DPP8: variants seen among roughly 807,000 people sequenced by gnomAD.
DPP8 encodes the protein dipeptidyl peptidase 8, also known as DPP VIII.
DPP8 carries 31 observed loss-of-function variants against 107.5 expected under a neutral mutation model. That is an observed-to-expected ratio of 0.29 (90% CI 0.22 to 0.39). The LOEUF is 0.39. Among genes scored for constraint, DPP8 ranks in the 10% least tolerant of loss-of-function variants. The pLI, the probability that DPP8 is intolerant of heterozygous loss-of-function variation, is 1.00. For synonymous variants in DPP8, 381 were observed against 356.6 expected, an observed-to-expected ratio of 1.07 and a Z score of -0.77; for missense variants, 842 against 1,076.1, an observed-to-expected ratio of 0.78 and a Z score of 3.04.
intron 1 of DPP8, 88 bp from the exon 2 acceptor site, chr15:65,512,652 G>A (rs1415697833): frequency 5.8e-5 from 84 of 1,448,810 alleles, no homozygotes; most frequent in Non-Finnish European, 7.5e-5. Flanking sequence ...AAAAGCGGGG[G>A]AGTGGGGAGG....
At chr15:65,480,448 G>T in intron 9 of DPP8, 49 bp from the exon 10 acceptor site, 1 of 1,443,496 alleles carries the variant, frequency 6.9e-7, no homozygotes, top group Non-Finnish European at 9.5e-7. Flanking sequence ...CAAGCTATCA[G>T]AAAAAGATTT....
At chr15:65,492,248 A>G (rs1468704257) in intron 5 of DPP8, among the ~76,000 whole-genome samples, 1 of 151,974 alleles carries the variant, frequency 6.6e-6, no homozygotes, top group African/African-American at 2.4e-5. Context: ...AGGCTGAGGT[A>G]GGAGAATCAC....
intron 7 of DPP8, among the ~76,000 whole-genome samples, chr15:65,485,544 CAA>C (rs56940292): frequency 5.5e-3 from 336 of 61,248 alleles, no homozygotes; most frequent in African/African-American, 0.016. Flanking sequence ...GACTCCATCT[CAA>C]AAAAAAAAAA....
intron 12 of DPP8, among the ~76,000 whole-genome samples, chr15:65,473,181 C>A (rs1452780196): frequency 6.7e-6 from 1 of 149,258 alleles, no homozygotes; most frequent in Non-Finnish European, 1.5e-5. Flanking sequence ...AAAAATTAGC[C>A]GGGCATGGTG....
At chr15:65,482,912 C>G (rs190439921) in intron 8 of DPP8, among the ~76,000 whole-genome samples, 1 of 151,278 alleles carries the variant, frequency 6.6e-6, no homozygotes, top group Non-Finnish European at 1.5e-5. Flanking sequence ...CTGGCTAACA[C>G]GGTGAAACCC....
intron 11 of DPP8, among the ~76,000 whole-genome samples, chr15:65,478,504 C>T (rs1002739804): frequency 3.9e-5 from 6 of 152,192 alleles, no homozygotes; most frequent in African/African-American, 1.4e-4. Flanking sequence ...AGGTGATCCG[C>T]CTGCCTTGGC....
intron 3 of DPP8, among the ~76,000 whole-genome samples, chr15:65,501,891 CTT>C (rs2069276202): frequency 2.6e-5 from 4 of 152,164 alleles, no homozygotes; most frequent in Admixed American, 2.6e-4. Context: ...ACAGTGATTT[CTT>C]TCTTTCTTTC....
intron 15 of DPP8, among the ~76,000 whole-genome samples, chr15:65,461,608 C>CTT (rs34738565): frequency 1.5e-4 from 22 of 146,058 alleles, no homozygotes; most frequent in East Asian, 8.0e-4. Context: ...TCTATTAAGC[C>CTT]TTTTTTTTTT....
chr15:65,463,693 T>TA, intron 15 of DPP8, 68 bp downstream of exon 15: 3 of 1,407,682 alleles, frequency 2.1e-6, no homozygotes, highest in South Asian at 2.5e-5. Context: ...ACTAGACATT[T>TA]AAAAAACAAA....
chr15:65,502,031 A>C (rs980696952), intron 3 of DPP8, among the ~76,000 whole-genome samples: 8 of 152,146 alleles, frequency 5.3e-5, no homozygotes, highest in Non-Finnish European at 1.0e-4. Context: ...GTGGGATTAC[A>C]CACTTGTGCC....
rs536710603 is a variant in DPP8 at position 65,445,513 on chromosome 15, G to C, written c.*1371C>G. The stretch of plus-strand genomic sequence containing the variant: ...TAGTGCTAAACCAAGAAAAGTTCAT[G>C]ATCATTCAGAAAAACTGTTTACAGG... On this transcript the variant is annotated 3_prime_UTR_variant, in exon 20 of 20. Coordinates refer to ENST00000300141, the MANE Select transcript of DPP8 (RefSeq NM_130434.5). 3.3e-5 allele frequency: 5 copies of C among 152,936 alleles called. No individual in the cohort carries two copies. The highest frequency in any genetic ancestry group is 1.9e-4 in the East Asian group (1 of 5,168). 9.5% of individuals were successfully genotyped at this position (152,936 alleles called of 1,614,324 possible).
intron 2 of DPP8, among the ~76,000 whole-genome samples, chr15:65,508,074 C>A (rs766320555): frequency 6.6e-6 from 1 of 151,434 alleles, no homozygotes; most frequent in Non-Finnish European, 1.5e-5. Flanking sequence ...CTTGTCTGTA[C>A]TAAAAATACA....
chr15:65,491,153 T>G (rs1229851097), intron 5 of DPP8, among the ~76,000 whole-genome samples: 2 of 83,984 alleles, frequency 2.4e-5, no homozygotes, highest in African/African-American at 1.1e-4. Context: ...AGAACAAGAC[T>G]CCGTCTCAAA....
chr15:65,478,992 A>C lies in DPP8; in HGVS notation c.1344T>G (p.Ile448Met). 1 of 1,592,742 alleles carries C rather than the reference A, an allele frequency of 6.3e-7. No homozygotes were observed. The highest frequency in any genetic ancestry group is 8.5e-7 in the Non-Finnish European group (1 of 1,172,582). The change falls in exon 11 of 20, where the codon ATT (isoleucine) becomes ATG (methionine). Residue 448 changes from isoleucine (I) to methionine (M), a missense_variant. Ile to Met is a conservative substitution (Grantham distance 10). Coordinates refer to ENST00000300141, the MANE Select transcript of DPP8 (RefSeq NM_130434.5). ...TGCATTCAGAGGCAAAAATAAACTC[A>C]ATTTCCTCTTCGTGACTTTGGGGAA... ...HVFPQSHEEE[I>M]EFIFASECKT...
At chr15:65,490,704 A>G (rs1405834802) in intron 5 of DPP8, among the ~76,000 whole-genome samples, 4 of 152,218 alleles carry the variant, frequency 2.6e-5, no homozygotes, top group African/African-American at 9.6e-5. Flanking sequence ...AGAGAAGTAT[A>G]TTTTAGACCT....
chr15:65,448,808 A>G (rs2063693276), intron 19 of DPP8, among the ~76,000 whole-genome samples: 1 of 137,512 alleles, frequency 7.3e-6, no homozygotes, highest in African/African-American at 2.6e-5. Flanking sequence ...TATATAAAAT[A>G]TACATATATA....
chr15:65,517,191 A>G (rs1686905973), intron 1 of DPP8: 1 of 152,434 alleles, frequency 6.6e-6, no homozygotes, highest in Admixed American at 6.5e-5. Context: ...GCGAGACTCA[A>G]TTAAGATAAC....
intron 5 of DPP8, among the ~76,000 whole-genome samples, chr15:65,494,286 G>A (rs566002414): frequency 2.6e-4 from 40 of 151,768 alleles, no homozygotes; most frequent in African/African-American, 9.4e-4. Flanking sequence ...GAGTGCAGTG[G>A]TGCAACAGAG....
chr15:65,514,427 T>C (rs2071188297), intron 1 of DPP8, among the ~76,000 whole-genome samples: 1 of 152,202 alleles, frequency 6.6e-6, no homozygotes, highest in African/African-American at 2.4e-5. Flanking sequence ...CTATCATATG[T>C]TGTTTACTTG....
Sources: gnomAD v4.1 joint callset for allele counts (sites outside exome capture counted in the v4.1 genomes callset) on GRCh38, gnomAD v4.1.1 for gene constraint, MANE v1.5 for transcripts, NCBI Gene and HGNC (gene_info 2026-07-23, HGNC 2026-07-21) for gene names.